Variants in GALK2 observed in about 807,000 individuals in gnomAD.
GALK2 encodes the protein N-acetylgalactosamine kinase.
GALK2 carries 36 observed loss-of-function variants against 52.4 expected under a neutral mutation model. The observed-to-expected ratio is 0.69, with a 90% confidence interval of 0.53 to 0.91. The LOEUF (loss-of-function observed/expected upper bound fraction) is 0.91, where lower values mean the gene tolerates loss of function less well. Ranked by LOEUF, GALK2 falls within the 40% of genes least tolerant of loss-of-function variation. GALK2 has a pLI of 0.00. For synonymous variants in GALK2, 176 were observed against 199.1 expected, an observed-to-expected ratio of 0.88 and a Z score of 0.98; for missense variants, 579 against 559.1, an observed-to-expected ratio of 1.04 and a Z score of -0.36.
At position 49,265,950 on chromosome 15, in the gene GALK2, C is replaced by G. The variant is rs1254914822; in HGVS notation, c.505-16037C>G. On this transcript the variant is annotated intron_variant, in intron 5 of 9. Transcript: ENST00000560031. ...ATGCGAAGGAGGGTATGTCAGTTAG[C>G]TTTTGCTGTGTAACAATTTTTTTCG... Among the ~76,000 whole-genome samples, 2 of 152,140 alleles carry G rather than the reference C, an allele frequency of 1.3e-5. 1 individual carries two copies. The highest frequency in any genetic ancestry group is 4.1e-4 in the South Asian group (2 of 4,832).
chr15:49,332,554 G>A (rs1039643680), downstream of GALK2, among the ~76,000 whole-genome samples: 43 of 152,244 alleles, frequency 2.8e-4, no homozygotes, highest in Non-Finnish European at 3.7e-4. Flanking sequence ...GAGAAGCAAT[G>A]GTAGCTAGGC....
At chr15:49,366,246 C>CTA in intron 3 of GALK2, 1 of 786,042 alleles carries the variant, frequency 1.3e-6, no homozygotes, top group Non-Finnish European at 2.4e-6. Flanking sequence ...TGCTTCATAT[C>CTA]TATAAAGTCT....
At chr15:49,197,333 T>C (rs2141287834) in intron 1 of GALK2, among the ~76,000 whole-genome samples, 1 of 152,326 alleles carries the variant, frequency 6.6e-6, no homozygotes, top group East Asian at 1.9e-4. Flanking sequence ...TTTTAATAGT[T>C]GAGGCTCATT....
At chr15:49,192,495 A>ATATATATATATG (rs2086825900) in intron 1 of GALK2, among the ~76,000 whole-genome samples, 1 of 16,998 alleles carries the variant, frequency 5.9e-5, no homozygotes, top group African/African-American at 1.0e-4. Flanking sequence ...GTATATATAT[A>ATATATATATATG]TATATATATA....
chr15:49,193,489 C>G (rs1368332174), intron 1 of GALK2, among the ~76,000 whole-genome samples: 1 of 151,652 alleles, frequency 6.6e-6, no homozygotes, highest in East Asian at 1.9e-4. Flanking sequence ...ATAGTCAACT[C>G]TATCAAATTA....
downstream of GALK2, among the ~76,000 whole-genome samples, chr15:49,336,249 G>C (rs2039694511): frequency 6.6e-6 from 1 of 152,266 alleles, no homozygotes; most frequent in African/African-American, 2.4e-5. Flanking sequence ...GAATGTCCAA[G>C]TATGTTGCTA....
chr15:49,180,603 T>G (rs2085882745), intron 1 of GALK2, among the ~76,000 whole-genome samples: 1 of 152,242 alleles, frequency 6.6e-6, no homozygotes, highest in Admixed American at 6.5e-5. Context: ...ATCCATTGCC[T>G]GTATGTTAAA....
intron 8 of GALK2, 142 bp from the exon 9 acceptor site, chr15:49,319,462 C>A: frequency 1.5e-6 from 1 of 652,586 alleles, no homozygotes; most frequent in South Asian, 2.0e-5. Context: ...TTGAAAGAAT[C>A]CTTTCAGCAA....
At chr15:49,204,898 T>C (rs926873881) in intron 2 of GALK2, among the ~76,000 whole-genome samples, 1 of 152,196 alleles carries the variant, frequency 6.6e-6, no homozygotes, top group African/African-American at 2.4e-5. Flanking sequence ...CTAATTCTTA[T>C]GCTTTTGCAT....
At chr15:49,268,935 A>T (rs182001606) in intron 5 of GALK2, among the ~76,000 whole-genome samples, 1 of 152,294 alleles carries the variant, frequency 6.6e-6, no homozygotes, top group East Asian at 1.9e-4. Context: ...CAAGATAGTG[A>T]TTATGCAACA....
chr15:49,234,798 G>A (rs1217102090), intron 3 of GALK2, among the ~76,000 whole-genome samples: 1 of 149,784 alleles, frequency 6.7e-6, no homozygotes. Flanking sequence ...ACGGAATCTT[G>A]CTCTGTCGCC....
chr15:49,354,668 C>T (rs566499351), intron 3 of GALK2, among the ~76,000 whole-genome samples: 2 of 152,330 alleles, frequency 1.3e-5, no homozygotes, highest in South Asian at 2.1e-4. Flanking sequence ...GGGGGAGGGG[C>T]GCCCGCCATT....
chr15:49,219,182 T>G (rs2413939), intron 3 of GALK2, among the ~76,000 whole-genome samples: 109,944 of 152,028 alleles, frequency 0.72, 40,280 homozygotes, highest in African/African-American at 0.8. Context: ...ATCTTGAATT[T>G]TAACTCCCAC....
intron 2 of GALK2, among the ~76,000 whole-genome samples, chr15:49,212,005 C>G (rs1353667742): frequency 6.6e-6 from 1 of 152,106 alleles, no homozygotes; most frequent in South Asian, 2.1e-4. Flanking sequence ...ATAATAGTCT[C>G]TAATGATGCC....
intron 8 of GALK2, among the ~76,000 whole-genome samples, chr15:49,315,892 A>G (rs1319958368): frequency 6.6e-6 from 1 of 152,226 alleles, no homozygotes; most frequent in African/African-American, 2.4e-5. Flanking sequence ...TGGGTTTAAT[A>G]GAAAACATCT....
At chr15:49,363,417 C>G (rs1327184640) in intron 3 of GALK2, among the ~76,000 whole-genome samples, 1 of 152,044 alleles carries the variant, frequency 6.6e-6, no homozygotes, top group Non-Finnish European at 1.5e-5. Context: ...TGATTTGATT[C>G]TCAGCTTGGA....
chr15:49,276,912 T>G lies in GALK2; in HGVS notation c.505-5075T>G, dbSNP rs534254848. On this transcript the variant is annotated intron_variant, in intron 5 of 9. Transcript: ENST00000560031. The stretch of plus-strand genomic sequence containing the variant: ...TCTTAATAGAATCTGAGGTTTTTTT[T>G]TTTTTTTTTTGGTTTTTGTTTTTTT... 5.3e-5 allele frequency among the ~76,000 whole-genome samples: 8 copies of G among 149,552 alleles called. 1 individual carries two copies. In the South Asian group the frequency reaches 1.5e-3, roughly 27 times the overall value.
chr15:49,346,054 T>C (rs1373757537), intron 3 of GALK2, among the ~76,000 whole-genome samples: 1 of 150,628 alleles, frequency 6.6e-6, no homozygotes. Context: ...TTTTGTTATT[T>C]TTTTTTTTTT....
At chr15:49,161,944 C>G (rs1402975521) in intron 1 of GALK2, 1 of 152,398 alleles carries the variant, frequency 6.6e-6, no homozygotes, top group Non-Finnish European at 1.5e-5. Context: ...GTCTCGAACT[C>G]CTGACCTCAG....
Sources: allele counts gnomAD v4.1 joint callset (sites outside exome capture counted in the v4.1 genomes callset), GRCh38; gene constraint gnomAD v4.1.1; transcripts MANE v1.5; gene names NCBI Gene and HGNC (gene_info 2026-07-23, HGNC 2026-07-21).